The following BMPR1B variants were observed in gnomAD, a reference collection of about 807,000 sequenced individuals.
The protein encoded by BMPR1B is bone morphogenetic protein receptor type 1B.
In BMPR1B, 12 loss-of-function variants were observed where a neutral mutation model predicts 59.1. That is an observed-to-expected ratio of 0.20 (90% CI 0.13 to 0.33). The LOEUF (loss-of-function observed/expected upper bound fraction) is 0.33. BMPR1B is among the 10% of genes least tolerant of loss of function. BMPR1B has a pLI of 1.00. For missense variants in BMPR1B, 550 were observed against 610.9 expected, an observed-to-expected ratio of 0.90 and a Z score of 1.05; for synonymous variants, 237 against 207.3, an observed-to-expected ratio of 1.14 and a Z score of -1.23.
At chr4:94,808,390 T>A (rs1723689374) in intron 1 of BMPR1B, among the ~76,000 whole-genome samples, 1 of 152,194 alleles carries the variant, frequency 6.6e-6, no homozygotes, top group Non-Finnish European at 1.5e-5. Context: ...ATAGCAACAT[T>A]ACATAATTTT....
At chr4:95,070,548 T>C (rs1278555475) in intron 3 of BMPR1B, among the ~76,000 whole-genome samples, 2 of 152,112 alleles carry the variant, frequency 1.3e-5, no homozygotes, top group Non-Finnish European at 2.9e-5. Context: ...CTTCTTAGTG[T>C]CACTAAGATG....
intron 2 of BMPR1B, among the ~76,000 whole-genome samples, chr4:94,894,208 C>T (rs1171238702): frequency 6.6e-6 from 1 of 152,002 alleles, no homozygotes; most frequent in Non-Finnish European, 1.5e-5. Context: ...TAACCCACTA[C>T]CCAAGTGCTC....
chr4:94,857,903 T>C (rs775250603), intron 1 of BMPR1B, among the ~76,000 whole-genome samples: 19 of 152,258 alleles, frequency 1.2e-4, no homozygotes, highest in Non-Finnish European at 2.5e-4. Flanking sequence ...CATATGTTTA[T>C]GTAAAATGGA....
intron 1 of BMPR1B, among the ~76,000 whole-genome samples, chr4:94,816,101 A>C (rs987867016): frequency 6.6e-6 from 1 of 152,138 alleles, no homozygotes; most frequent in African/African-American, 2.4e-5. Context: ...GATTCATTAC[A>C]ATCCCTTTTC....
chr4:94,986,692 A>T (rs369641219), intron 2 of BMPR1B, among the ~76,000 whole-genome samples: 15 of 150,894 alleles, frequency 9.9e-5, no homozygotes, highest in African/African-American at 3.7e-4. Context: ...TTTTACAAAG[A>T]TTAGTTTGTT....
intron 3 of BMPR1B, among the ~76,000 whole-genome samples, chr4:95,019,091 T>C (rs1723792054): frequency 6.6e-6 from 1 of 152,208 alleles, no homozygotes; most frequent in Non-Finnish European, 1.5e-5. Context: ...CCGCTTCATA[T>C]TGCATACAAA....
intron 2 of BMPR1B, among the ~76,000 whole-genome samples, chr4:94,887,403 C>CAAAAAAAAAAAA (rs57818132): frequency 5.5e-5 from 3 of 54,798 alleles, no homozygotes; most frequent in African/African-American, 7.1e-5. Flanking sequence ...CACCCCCCAC[C>CAAAAAAAAAAAA]AAAAAAAAAA....
chr4:95,103,284 T>C (rs1159443011), intron 3 of BMPR1B: 1 of 179,428 alleles, frequency 5.6e-6, no homozygotes, highest in African/African-American at 2.4e-5. Context: ...CCTGCAGGCC[T>C]TCATTTTTGG....
chr4:94,924,073 C>T (rs1728797759), intron 2 of BMPR1B, among the ~76,000 whole-genome samples: 1 of 152,062 alleles, frequency 6.6e-6, no homozygotes, highest in Non-Finnish European at 1.5e-5. Context: ...GGAAGAAATC[C>T]TTGACCCTTC....
chr4:95,043,762 A>G (rs1362252347), intron 3 of BMPR1B, among the ~76,000 whole-genome samples: 1 of 152,176 alleles, frequency 6.6e-6, no homozygotes, highest in Non-Finnish European at 1.5e-5. Flanking sequence ...TTCTTTTTCG[A>G]AAGCTACCTC....
chr4:94,948,345 GTAGAAGAAAGGCCAGAGTAGTACC>G (rs1422733381), intron 2 of BMPR1B, among the ~76,000 whole-genome samples: 23 of 152,216 alleles, frequency 1.5e-4, no homozygotes, highest in African/African-American at 5.1e-4. Context: ...AATGAGGAAT[GTAGAAGAAAGGCCAGAGTAGTACC>G]AGAGAGAGCA....
rs539696182 is a variant in BMPR1B, at chr4:94,845,435, C to T, written c.-182-30396C>T. ...TTGGCTCACTGCAAGCTCTGCCTCCCGGGTTCACGCCATTCTCTTGCCTCA... is the reference window on the plus strand; with the variant it reads ...TTGGCTCACTGCAAGCTCTGCCTCCTGGGTTCACGCCATTCTCTTGCCTCA... On this transcript the variant is annotated intron_variant, in intron 1 of 12. Transcript: ENST00000515059. Among the ~76,000 whole-genome samples the T allele has an allele frequency of 5.3e-3, 802 of 151,740 alleles. 12 individuals are homozygous for T. The highest frequency in any genetic ancestry group is 0.018 in the African/African-American group (753 of 41,364).
intron 3 of BMPR1B, among the ~76,000 whole-genome samples, chr4:95,044,632 C>T (rs756338480): frequency 1.3e-5 from 2 of 152,126 alleles, no homozygotes; most frequent in Non-Finnish European, 2.9e-5. Flanking sequence ...AGAGAGAAGA[C>T]GTGCTCAGAA....
At chr4:94,858,161 A>C (rs1318728964) in intron 1 of BMPR1B, among the ~76,000 whole-genome samples, 1 of 151,898 alleles carries the variant, frequency 6.6e-6, no homozygotes, top group African/African-American at 2.4e-5. Context: ...CATGTTAGCC[A>C]GGATGGTCTC....
chr4:95,098,456 A>G (rs1310227990), intron 3 of BMPR1B, among the ~76,000 whole-genome samples: 17 of 152,166 alleles, frequency 1.1e-4, no homozygotes, highest in Non-Finnish European at 2.2e-4. Flanking sequence ...TTGCATAATT[A>G]TAAAGTTAGA....
chr4:95,075,591 G>T (rs994544598), intron 3 of BMPR1B, among the ~76,000 whole-genome samples: 1 of 152,152 alleles, frequency 6.6e-6, no homozygotes, highest in African/African-American at 2.4e-5. Flanking sequence ...GGAGTAGAAA[G>T]ACTTTGTAGA....
At chr4:94,948,483 AATGAGTAAG>A (rs1729801806) in intron 2 of BMPR1B, among the ~76,000 whole-genome samples, 1 of 152,214 alleles carries the variant, frequency 6.6e-6, no homozygotes, top group Non-Finnish European at 1.5e-5. Context: ...CGGGAAAACA[AATGAGTAAG>A]TAATGCTTTT....
intron 3 of BMPR1B, among the ~76,000 whole-genome samples, chr4:95,035,196 A>G (rs1443092351): frequency 2.6e-5 from 4 of 152,102 alleles, no homozygotes; most frequent in African/African-American, 9.7e-5. Flanking sequence ...TCAGATGCAT[A>G]GTTTATGAAT....
At chr4:94,763,483 G>A (rs1721855400) in intron 1 of BMPR1B, among the ~76,000 whole-genome samples, 2 of 152,188 alleles carry the variant, frequency 1.3e-5, no homozygotes, top group Admixed American at 1.3e-4. Flanking sequence ...GGATATGGCT[G>A]CATGTGGCGT....
Sources: gnomAD v4.1 joint callset for allele counts (sites outside exome capture counted in the v4.1 genomes callset) on GRCh38, gnomAD v4.1.1 for gene constraint, MANE v1.5 for transcripts, NCBI Gene and HGNC (gene_info 2026-07-23, HGNC 2026-07-21) for gene names.